Variants in RBFOX3 observed in about 807,000 individuals in gnomAD.
RBFOX3 encodes the protein RNA binding fox-1 homolog 3, also known as RNA binding protein fox-1 homolog 3.
Under a neutral mutation model 48.7 loss-of-function variants are expected in RBFOX3, and 17 were observed. The ratio of observed to expected loss-of-function variants is 0.35; its 90% CI spans 0.24 to 0.52. The LOEUF is 0.52. Among genes scored for constraint, RBFOX3 ranks in the 20% least tolerant of loss-of-function variants. RBFOX3 has a pLI of 0.94. For missense variants in RBFOX3, 382 were observed against 497.5 expected (o/e 0.77, Z 2.21); for synonymous variants, 212 against 209.5 (o/e 1.01, Z -0.10).
intron 2 of RBFOX3, among the ~76,000 whole-genome samples, chr17:79,468,937 AGGATGGATGGATGGATGGAT>A (rs199614550): frequency 2.9e-4 from 26 of 90,026 alleles, no homozygotes; most frequent in Admixed American, 2.4e-3. Context: ...TAGAGACGGG[AGGATGGATGGATGGATGGAT>A]GGATGGATGG....
At chr17:79,196,434 C>T (rs2055605753) in intron 4 of RBFOX3, among the ~76,000 whole-genome samples, 1 of 152,214 alleles carries the variant, frequency 6.6e-6, no homozygotes, top group African/African-American at 2.4e-5. Context: ...AATGGGACGG[C>T]AGTACCTCTC....
intron 4 of RBFOX3, among the ~76,000 whole-genome samples, chr17:79,163,142 C>T (rs2047302579): frequency 6.6e-6 from 1 of 152,196 alleles, no homozygotes; most frequent in Admixed American, 6.5e-5. Flanking sequence ...GCCACTGCTC[C>T]CCCATCTCAC....
intron 4 of RBFOX3, among the ~76,000 whole-genome samples, chr17:79,165,666 G>A (rs1010462308): frequency 2.0e-5 from 3 of 152,324 alleles, no homozygotes; most frequent in Non-Finnish European, 4.4e-5. Context: ...GGCTCCTTTC[G>A]CAGGTGCCTC....
intron 4 of RBFOX3, chr17:79,132,919 A>C (rs1309044782): frequency 6.6e-6 from 1 of 152,272 alleles, no homozygotes; most frequent in Non-Finnish European, 1.5e-5. Context: ...GGCCCGTGGG[A>C]GGCTCCAGGT....
intron 1 of RBFOX3, among the ~76,000 whole-genome samples, chr17:79,579,814 A>G (rs2092991736): frequency 8.3e-6 from 1 of 120,674 alleles, no homozygotes; most frequent in East Asian, 2.8e-4. Flanking sequence ...GTGGGGAGCC[A>G]CTGGCGCTGT....
At chr17:79,445,938 G>A (rs1419739793) in intron 2 of RBFOX3, among the ~76,000 whole-genome samples, 12 of 152,338 alleles carry the variant, frequency 7.9e-5, no homozygotes, top group African/African-American at 2.9e-4. Context: ...GGTGGTGCCT[G>A]CAGACATTTC....
the RBFOX3 span, among the ~76,000 whole-genome samples, chr17:79,629,760 C>A: frequency 1.3e-5 from 2 of 152,180 alleles, no homozygotes; most frequent in African/African-American, 4.8e-5. Flanking sequence ...ACTAAATGTC[C>A]AACTCCAGGG....
the RBFOX3 span, among the ~76,000 whole-genome samples, chr17:79,616,693 C>T: frequency 4.5e-3 from 682 of 152,238 alleles, 1 homozygote; most frequent in Non-Finnish European, 6.9e-3. Flanking sequence ...TCCAAGCACG[C>T]TGTGGGACCC....
chr17:79,310,270 G>T (rs2076665691), intron 2 of RBFOX3, among the ~76,000 whole-genome samples: 1 of 152,154 alleles, frequency 6.6e-6, no homozygotes, highest in East Asian at 1.9e-4. Flanking sequence ...CTGAAGGCCT[G>T]GGGGTTAAGT....
At position 79,524,403 on chromosome 17, in the gene RBFOX3, C is replaced by T. The variant is rs910103675; in HGVS notation, c.-319-41805G>A. ...TAATGGAGGCAGCCCGCTCTCTCTTCGGCAACCTCCCAATGGTTTTAAAGA... is the reference window on the plus strand; with the variant it reads ...TAATGGAGGCAGCCCGCTCTCTCTTTGGCAACCTCCCAATGGTTTTAAAGA... On this transcript the variant is annotated intron_variant, in intron 1 of 14. Transcript: ENST00000693108. 2.2e-3 allele frequency among the ~76,000 whole-genome samples: 330 copies of T among 152,268 alleles called. 1 individual carries two copies. Among genetic ancestry groups the T allele is most frequent in the African/African-American group, 5.5e-3 (229 of 41,538 alleles).
intron 14 of RBFOX3, chr17:79,091,847 T>TCCACTTTC: frequency 1.5e-6 from 1 of 649,742 alleles, no homozygotes; most frequent in Non-Finnish European, 1.9e-6. Flanking sequence ...TTTCCACATT[T>TCCACTTTC]CCACTTTCTG....
At chr17:79,571,975 G>T (rs2092694659) in intron 1 of RBFOX3, among the ~76,000 whole-genome samples, 1 of 152,334 alleles carries the variant, frequency 6.6e-6, no homozygotes, top group Non-Finnish European at 1.5e-5. Flanking sequence ...TCATAAGAAG[G>T]TGATTTGCTG....
At chr17:79,461,592 C>T (rs1240891211) in intron 2 of RBFOX3, among the ~76,000 whole-genome samples, 1 of 152,224 alleles carries the variant, frequency 6.6e-6, no homozygotes, top group Non-Finnish European at 1.5e-5. Flanking sequence ...GCCCATTTCC[C>T]CATGGTGAGC....
intron 1 of RBFOX3, among the ~76,000 whole-genome samples, chr17:79,549,823 A>C (rs2090957456): frequency 6.6e-6 from 1 of 152,238 alleles, no homozygotes; most frequent in Non-Finnish European, 1.5e-5. Context: ...GTCAGAGCTA[A>C]CGTTCAATCA....
chr17:79,091,415 C>T (rs1219789733), intron 14 of RBFOX3, among the ~76,000 whole-genome samples: 1 of 152,232 alleles, frequency 6.6e-6, no homozygotes, highest in African/African-American at 2.4e-5. Context: ...AAGGACTGTG[C>T]CTGTCTTGGC....
intron 2 of RBFOX3, among the ~76,000 whole-genome samples, chr17:79,344,253 CA>C (rs950944854): frequency 5.3e-5 from 8 of 152,030 alleles, no homozygotes; most frequent in African/African-American, 1.2e-4. Context: ...ATATATCTTC[CA>C]AAAAAATTCC....
At chr17:79,632,261 T>G in the RBFOX3 span, among the ~76,000 whole-genome samples, 12 of 151,946 alleles carry the variant, frequency 7.9e-5, no homozygotes, top group Non-Finnish European at 1.5e-5. Flanking sequence ...TTCCATCACC[T>G]GGGTCTGCAT....
intron 2 of RBFOX3, among the ~76,000 whole-genome samples, chr17:79,428,843 A>G (rs1555726945): frequency 2.0e-5 from 3 of 152,222 alleles, no homozygotes; most frequent in African/African-American, 7.2e-5. Context: ...TTCTGTCTGT[A>G]TGAATTTAAC....
rs965031425 is a variant in RBFOX3, at chr17:79,481,541, T to G, written c.-175+913A>C. ...ACAGGGACCCGTAGGAAGCTTCAAG[T>G]GTGAGGCTGGCCGTGCACGTGATTA... On this transcript the variant is annotated intron_variant, in intron 2 of 14. Transcript: ENST00000693108. This position sits in a 1 kb window ranked among gnomAD's most constrained non-coding sequence, Gnocchi z 5.4. Among the ~76,000 whole-genome samples the G allele has an allele frequency of 6.6e-6, 1 of 152,114 alleles. No homozygotes were observed. The highest frequency in any genetic ancestry group is 2.4e-5 in the African/African-American group (1 of 41,490).
Sources: allele counts gnomAD v4.1 joint callset (sites outside exome capture counted in the v4.1 genomes callset), GRCh38; gene constraint gnomAD v4.1.1; non-coding constraint Gnocchi (gnomAD v3.1); transcripts MANE v1.5; gene names NCBI Gene and HGNC (gene_info 2026-07-23, HGNC 2026-07-21).